The following ANOS1 variants were observed in gnomAD, a reference collection of about 807,000 sequenced individuals.
ANOS1 encodes the protein anosmin 1.
Under a neutral mutation model 59.0 loss-of-function variants are expected in ANOS1, and 6 were observed. That is an observed-to-expected ratio of 0.10 (90% CI 0.06 to 0.20). The LOEUF is 0.20. Ranked by LOEUF, ANOS1 falls within the 10% of genes least tolerant of loss-of-function variation. The pLI, the probability that ANOS1 is intolerant of heterozygous loss-of-function variation, is 1.00. For missense variants in ANOS1, 433 were observed against 542.3 expected, an observed-to-expected ratio of 0.80 and a Z score of 2.00; for synonymous variants, 217 against 223.4, an observed-to-expected ratio of 0.97 and a Z score of 0.25.
intron 9 of ANOS1, among the ~76,000 whole-genome samples, chrX:8,553,693 G>A (rs1175897525): frequency 2.7e-5 from 3 of 111,537 alleles, no homozygotes; most frequent in African/African-American, 9.8e-5. Flanking sequence ...TATTTTGAGT[G>A]TTTTGGATAT....
intron 3 of ANOS1, among the ~76,000 whole-genome samples, chrX:8,610,054 A>C (rs1931026765): frequency 1.0e-5 from 1 of 98,177 alleles, no homozygotes; most frequent in African/African-American, 3.8e-5. Context: ...TTTAAAGAGC[A>C]CCCATTTTTC....
intron 3 of ANOS1, among the ~76,000 whole-genome samples, chrX:8,599,896 T>C (rs1446606690): frequency 8.9e-6 from 1 of 111,960 alleles, no homozygotes; most frequent in Non-Finnish European, 1.9e-5. Context: ...TCAAAGTCTC[T>C]AGTGGGAGGT....
intron 1 of ANOS1, among the ~76,000 whole-genome samples, chrX:8,713,347 G>A (rs913845762): frequency 9.1e-6 from 1 of 109,987 alleles, no homozygotes; most frequent in Non-Finnish European, 1.9e-5. Context: ...AGAGAAGCCC[G>A]ACAGCATGAC....
At chrX:8,688,947 CA>C (rs1251617497) in intron 2 of ANOS1, among the ~76,000 whole-genome samples, 3 of 111,868 alleles carry the variant, frequency 2.7e-5, no homozygotes. Context: ...TGACAGTGGT[CA>C]GGGGAAGCAA....
At chrX:8,639,324 A>G (rs1159561) in intron 2 of ANOS1, among the ~76,000 whole-genome samples, 52,976 of 110,371 alleles carry the variant, frequency 0.48, 9,111 homozygotes, top group Middle Eastern at 0.59. Flanking sequence ...ATTTAATGCC[A>G]CTACATGTAA....
chrX:8,633,276 C>G (rs931885432), intron 2 of ANOS1, among the ~76,000 whole-genome samples: 1 of 111,575 alleles, frequency 9.0e-6, no homozygotes, highest in Non-Finnish European at 1.9e-5. Flanking sequence ...GAAACACGGG[C>G]CTCATTTTAT....
In ANOS1 at chrX:8,732,103, G is replaced by C; in HGVS notation, c.-67C>G. ...CCGAGGCTCCCTGCTCCGCGCCGGG[G>C]CTGCACTGCTGAGGACCAGGCAGAC... is the stretch of plus-strand genomic sequence containing the variant. On this transcript the variant is annotated 5_prime_UTR_variant, in exon 1 of 14. Transcript: ENST00000262648. The C allele has an allele frequency of 1.2e-6, 1 of 802,074 alleles. No homozygotes were observed. Among genetic ancestry groups the C allele is most frequent in the Non-Finnish European group, 1.6e-6 (1 of 643,821 alleles). 66.1% of individuals were successfully genotyped at this position (802,074 alleles called of 1,213,427 possible).
chrX:8,572,230 T>A lies in ANOS1; in HGVS notation c.857-1526A>T, dbSNP rs139503562. 8.6e-3 allele frequency among the ~76,000 whole-genome samples: 944 copies of A among 110,396 alleles called. 14 individuals carry two copies. Among genetic ancestry groups the A allele is most frequent in the African/African-American group, 0.029 (880 of 30,319 alleles). On this transcript the variant is annotated intron_variant, in intron 6 of 13. Transcript: ENST00000262648. The stretch of plus-strand genomic sequence containing the variant: ...GTGGTTTGCTGCACAAATCAACCCA[T>A]CACCTAGGTATTAAGCCCAGCAACC...
intron 3 of ANOS1, among the ~76,000 whole-genome samples, chrX:8,608,275 G>A (rs1930978695): frequency 9.0e-6 from 1 of 111,553 alleles, no homozygotes; most frequent in South Asian, 3.7e-4. Flanking sequence ...ATTCTTTAAC[G>A]CAGTTCTAGA....
At chrX:8,560,284 G>A (rs993813263) in intron 8 of ANOS1, among the ~76,000 whole-genome samples, 2 of 111,546 alleles carry the variant, frequency 1.8e-5, no homozygotes, top group African/African-American at 6.5e-5. Flanking sequence ...CTCCAGGTGT[G>A]TTCCTGGGGG....
chrX:8,587,004 C>A (rs1269977640), intron 5 of ANOS1, among the ~76,000 whole-genome samples: 6 of 105,365 alleles, frequency 5.7e-5, no homozygotes, highest in Non-Finnish European at 1.2e-4. Flanking sequence ...ATCTAATCAA[C>A]ATAAGGTGAG....
intron 2 of ANOS1, among the ~76,000 whole-genome samples, chrX:8,693,075 C>T (rs779837065): frequency 8.9e-6 from 1 of 112,350 alleles, no homozygotes; most frequent in South Asian, 3.7e-4. Flanking sequence ...GGGCATCTTG[C>T]CCATGAATTT....
At chrX:8,641,353 C>T (rs1931662130) in intron 2 of ANOS1, among the ~76,000 whole-genome samples, 1 of 112,280 alleles carries the variant, frequency 8.9e-6, no homozygotes, top group Non-Finnish European at 1.9e-5. Context: ...GGAGGTATCA[C>T]ATGATATAAA....
chrX:8,572,476 A>G (rs1930249326), intron 6 of ANOS1, among the ~76,000 whole-genome samples: 1 of 111,692 alleles, frequency 9.0e-6, no homozygotes, highest in Non-Finnish European at 1.9e-5. Context: ...GTTCCTTTTC[A>G]TGGCTGCATA....
At chrX:8,658,957 G>A (rs1482205418) in intron 2 of ANOS1, among the ~76,000 whole-genome samples, 1 of 111,546 alleles carries the variant, frequency 9.0e-6, no homozygotes, top group African/African-American at 3.3e-5. Context: ...GGCCAGGCAC[G>A]GTGGCTCACG....
chrX:8,533,865 T>C (rs943548470), intron 13 of ANOS1, among the ~76,000 whole-genome samples: 2 of 109,997 alleles, frequency 1.8e-5, no homozygotes, highest in Non-Finnish European at 3.8e-5. Flanking sequence ...ATATTTCAGA[T>C]ATGAGACTAC....
chrX:8,576,124 C>T (rs1930316235), intron 6 of ANOS1, among the ~76,000 whole-genome samples: 1 of 110,475 alleles, frequency 9.1e-6, no homozygotes, highest in African/African-American at 3.3e-5. Flanking sequence ...AAAACAAGAA[C>T]AAAAAGAAAA....
intron 2 of ANOS1, among the ~76,000 whole-genome samples, chrX:8,649,770 C>T (rs1318473709): frequency 3.6e-5 from 4 of 111,855 alleles, no homozygotes; most frequent in African/African-American, 1.3e-4. Flanking sequence ...GTCCCATCCA[C>T]TTCTCAGCTA....
intron 6 of ANOS1, among the ~76,000 whole-genome samples, chrX:8,576,056 G>T (rs569611605): frequency 9.0e-6 from 1 of 111,656 alleles, no homozygotes; most frequent in African/African-American, 3.3e-5. Flanking sequence ...CTACAGTGAG[G>T]TACGACTGCA....
Sources: allele counts gnomAD v4.1 joint callset (sites outside exome capture counted in the v4.1 genomes callset), GRCh38; gene constraint gnomAD v4.1.1; transcripts MANE v1.5; gene names NCBI Gene and HGNC (gene_info 2026-07-23, HGNC 2026-07-21).